The following HS6ST3 variants were observed in gnomAD, a reference collection of about 807,000 sequenced individuals.
HS6ST3 encodes heparan sulfate 6-O-sulfotransferase 3, also known as heparan-sulfate 6-O-sulfotransferase 3.
HS6ST3 carries 12 observed loss-of-function variants against 36.7 expected under a neutral mutation model. That is an observed-to-expected ratio of 0.33 (90% CI 0.21 to 0.53). The LOEUF is 0.53. HS6ST3 is among the 20% of genes least tolerant of loss of function. The probability of loss-of-function intolerance (pLI) is 0.95; values close to 1 mark genes in which losing one functional copy is unlikely to be tolerated. For synonymous variants in HS6ST3, 240 were observed against 257.5 expected, an observed-to-expected ratio of 0.93 and a Z score of 0.65; for missense variants, 584 against 640.9, an observed-to-expected ratio of 0.91 and a Z score of 0.96.
At chr13:96,810,092 C>CAGGTAAAAAGTGATCT (rs1304333668) in intron 1 of HS6ST3, among the ~76,000 whole-genome samples, 1 of 152,118 alleles carries the variant, frequency 6.6e-6, no homozygotes, top group African/African-American at 2.4e-5. Context: ...ATGCTGAAGC[C>CAGGTAAAAAGTGATCT]AGGTAAAAAG....
At chr13:96,238,645 G>C (rs552561993) in intron 1 of HS6ST3, among the ~76,000 whole-genome samples, 52 of 152,268 alleles carry the variant, frequency 3.4e-4, no homozygotes, top group African/African-American at 1.2e-3. Context: ...AAGACTCATG[G>C]CTTAGGATTA....
chr13:96,281,633 A>T (rs745580993), intron 1 of HS6ST3, among the ~76,000 whole-genome samples: 1 of 152,214 alleles, frequency 6.6e-6, no homozygotes, highest in African/African-American at 2.4e-5. Flanking sequence ...TTTACTAGAC[A>T]TCTTGAAATT....
At chr13:96,699,457 A>C in intron 1 of HS6ST3, among the ~76,000 whole-genome samples, 1 of 152,252 alleles carries the variant, frequency 6.6e-6, no homozygotes, top group East Asian at 1.9e-4. Context: ...GACACTTCTC[A>C]AAAGAAGACA....
At position 96,364,734 on chromosome 13, in the gene HS6ST3, C is replaced by T. The variant is rs945838398; in HGVS notation, c.707+273165C>T. ...ATGTACTTAATGCCACTGAAGTGTA[C>T]GCTTAAAAATAATTAAAATCTCAAG... On this transcript the variant is annotated intron_variant, in intron 1 of 1. Coordinates refer to ENST00000376705, the MANE Select transcript of HS6ST3 (RefSeq NM_153456.4). Among the ~76,000 whole-genome samples, 6 of 152,004 alleles carry T rather than the reference C, an allele frequency of 3.9e-5. 1 individual carries two copies. The South Asian group carries it at 6.2e-4, about 16-fold the overall frequency.
At chr13:96,506,967 T>G (rs2056029007) in intron 1 of HS6ST3, among the ~76,000 whole-genome samples, 1 of 152,168 alleles carries the variant, frequency 6.6e-6, no homozygotes, top group Non-Finnish European at 1.5e-5. Context: ...TATGGATAGT[T>G]CTTACAAATA....
chr13:96,515,883 G>A (rs372196420), intron 1 of HS6ST3, among the ~76,000 whole-genome samples: 62 of 152,180 alleles, frequency 4.1e-4, no homozygotes, highest in Non-Finnish European at 6.6e-4. Flanking sequence ...TTATAGCAGC[G>A]TATAGTATAG....
intron 1 of HS6ST3, among the ~76,000 whole-genome samples, chr13:96,799,181 G>GC (rs1228001039): frequency 3.5e-4 from 53 of 152,210 alleles, no homozygotes; most frequent in African/African-American, 1.2e-3. Context: ...CTGAGGAATT[G>GC]CCACACTGAC....
At chr13:96,148,240 G>A (rs183809517) in intron 1 of HS6ST3, among the ~76,000 whole-genome samples, 7 of 152,254 alleles carry the variant, frequency 4.6e-5, no homozygotes, top group East Asian at 3.9e-4. Context: ...GTTACACAGC[G>A]TTTTGCTTAA....
chr13:96,333,083 A>C (rs1003823175), intron 1 of HS6ST3, among the ~76,000 whole-genome samples: 1 of 152,236 alleles, frequency 6.6e-6, no homozygotes, highest in Non-Finnish European at 1.5e-5. Flanking sequence ...TCTGTTGTTT[A>C]TAAGCTACTC....
chr13:96,678,917 GAC>G (rs2056708600), intron 1 of HS6ST3, among the ~76,000 whole-genome samples: 1 of 151,924 alleles, frequency 6.6e-6, no homozygotes, highest in Non-Finnish European at 1.5e-5. Context: ...AGAGAACAAA[GAC>G]AGCAGAATTT....
intron 1 of HS6ST3, among the ~76,000 whole-genome samples, chr13:96,327,723 A>T (rs1466605182): frequency 6.6e-6 from 1 of 152,096 alleles, no homozygotes; most frequent in East Asian, 1.9e-4. Context: ...GAAGAAAGTC[A>T]TTGGTGGCTT....
intron 1 of HS6ST3, among the ~76,000 whole-genome samples, chr13:96,251,265 A>G (rs980592659): frequency 6.6e-6 from 1 of 151,916 alleles, no homozygotes; most frequent in Non-Finnish European, 1.5e-5. Flanking sequence ...TAATCTCTTT[A>G]CTTCTTATTG....
At chr13:96,654,157 T>A (rs904126625) in intron 1 of HS6ST3, among the ~76,000 whole-genome samples, 24 of 152,314 alleles carry the variant, frequency 1.6e-4, no homozygotes, top group Admixed American at 1.5e-3. Flanking sequence ...ATTGTGTAGG[T>A]TGCCTGTTCA....
chr13:96,770,054 C>A (rs540829426), intron 1 of HS6ST3, among the ~76,000 whole-genome samples: 2 of 152,274 alleles, frequency 1.3e-5, no homozygotes, highest in East Asian at 3.9e-4. Context: ...TTGAAACGCT[C>A]AGAAGTACTG....
intron 1 of HS6ST3, among the ~76,000 whole-genome samples, chr13:96,491,389 G>A (rs1239925691): frequency 1.3e-5 from 2 of 150,764 alleles, no homozygotes; most frequent in Admixed American, 6.6e-5. Flanking sequence ...GGGAAAGTGA[G>A]GACATACTTT....
intron 1 of HS6ST3, among the ~76,000 whole-genome samples, chr13:96,648,020 T>G (rs776583880): frequency 2.6e-5 from 4 of 152,066 alleles, no homozygotes; most frequent in Non-Finnish European, 5.9e-5. Context: ...TTAGAAATGA[T>G]TTCTCAAAAT....
chr13:96,502,568 C>A (rs2056009406), intron 1 of HS6ST3, among the ~76,000 whole-genome samples: 1 of 152,132 alleles, frequency 6.6e-6, no homozygotes, highest in Admixed American at 6.6e-5. Flanking sequence ...AAGTCCCAGT[C>A]TCTTAGATGC....
At chr13:96,234,412 C>CA (rs985579454) in intron 1 of HS6ST3, among the ~76,000 whole-genome samples, 29 of 151,878 alleles carry the variant, frequency 1.9e-4, no homozygotes, top group Non-Finnish European at 7.4e-5. Flanking sequence ...AACCAAAAAA[C>CA]AAAAAACAAA....
chr13:96,498,077 T>TG (rs1000880976), intron 1 of HS6ST3, among the ~76,000 whole-genome samples: 1 of 152,072 alleles, frequency 6.6e-6, no homozygotes, highest in Admixed American at 6.6e-5. Context: ...AAAATGATTT[T>TG]GGGGGGATTT....
Sources: gnomAD v4.1 joint callset for allele counts (sites outside exome capture counted in the v4.1 genomes callset) on GRCh38, gnomAD v4.1.1 for gene constraint, MANE v1.5 for transcripts, NCBI Gene and HGNC (gene_info 2026-07-23, HGNC 2026-07-21) for gene names.